The following FAR2 variants were observed in gnomAD, a reference collection of about 807,000 sequenced individuals.
FAR2 encodes fatty acyl-CoA reductase 2, also known as epididymis secretory protein Li 81.
In FAR2, 19 loss-of-function variants were observed where a neutral mutation model predicts 56.0. The ratio of observed to expected loss-of-function variants is 0.34; its 90% CI spans 0.24 to 0.50. FAR2 has a LOEUF of 0.50. FAR2 is among the 20% of genes least tolerant of loss of function. The probability of loss-of-function intolerance (pLI) is 0.98; values close to 1 mark genes in which losing one functional copy is unlikely to be tolerated. For synonymous variants in FAR2, 219 were observed against 218.8 expected, an observed-to-expected ratio of 1.00 and a Z score of -0.01; for missense variants, 508 against 642.2, an observed-to-expected ratio of 0.79 and a Z score of 2.26.
At chr12:29,297,322 A>G in intron 4 of FAR2, 122 bp downstream of exon 4, 1 of 928,160 alleles carries the variant, frequency 1.1e-6, no homozygotes, top group Non-Finnish European at 1.6e-6. Flanking sequence ...ATGTTTTGAA[A>G]CGGTGCTAGC....
At chr12:29,308,879 T>A (rs1949300823) in intron 5 of FAR2, among the ~76,000 whole-genome samples, 1 of 151,994 alleles carries the variant, frequency 6.6e-6, no homozygotes, top group African/African-American at 2.4e-5. Flanking sequence ...GCTTAGCAGA[T>A]CATGATATAA....
chr12:29,221,695 TGC>T (rs1342749359), intron 1 of FAR2, among the ~76,000 whole-genome samples: 1 of 152,194 alleles, frequency 6.6e-6, no homozygotes, highest in Non-Finnish European at 1.5e-5. Flanking sequence ...CCAGGCATGA[TGC>T]TATATACGTA....
intron 10 of FAR2, among the ~76,000 whole-genome samples, chr12:29,329,392 T>C (rs1949698060): frequency 6.6e-6 from 1 of 152,204 alleles, no homozygotes; most frequent in Non-Finnish European, 1.5e-5. Flanking sequence ...TTCAAAATTT[T>C]ATGAAAAAGA....
intron 1 of FAR2, among the ~76,000 whole-genome samples, chr12:29,258,653 T>TA (rs1267601530): frequency 6.6e-6 from 1 of 152,196 alleles, no homozygotes; most frequent in Non-Finnish European, 1.5e-5. Flanking sequence ...CTTTGAGCCT[T>TA]AAAAAAGCCA....
At chr12:29,319,847 T>G (rs1341058493) in intron 9 of FAR2, among the ~76,000 whole-genome samples, 1 of 152,190 alleles carries the variant, frequency 6.6e-6, no homozygotes, top group East Asian at 1.9e-4. Flanking sequence ...TGTTTAAAAT[T>G]TTTATGTGGT....
intron 2 of FAR2, among the ~76,000 whole-genome samples, chr12:29,283,549 A>G (rs1283546486): frequency 6.6e-6 from 1 of 152,246 alleles, no homozygotes; most frequent in Non-Finnish European, 1.5e-5. Context: ...GTCATCAAGT[A>G]TAAGTTCAGT....
At chr12:29,286,996 A>G (rs1948886730) in intron 2 of FAR2, among the ~76,000 whole-genome samples, 1 of 152,222 alleles carries the variant, frequency 6.6e-6, no homozygotes, top group Non-Finnish European at 1.5e-5. Flanking sequence ...GAGGTAAGTA[A>G]CTTCCCCCAG....
intron 1 of FAR2, among the ~76,000 whole-genome samples, chr12:29,181,166 A>G (rs1221953774): frequency 6.6e-6 from 1 of 151,946 alleles, no homozygotes; most frequent in Non-Finnish European, 1.5e-5. Context: ...CAATTGAGAA[A>G]CAGAGAGATA....
intron 1 of FAR2, among the ~76,000 whole-genome samples, chr12:29,159,394 T>C (rs1317752655): frequency 1.3e-5 from 2 of 151,856 alleles, no homozygotes; most frequent in East Asian, 3.9e-4. Flanking sequence ...AAAAATTAGC[T>C]GGGCATGTTG....
intron 1 of FAR2, among the ~76,000 whole-genome samples, chr12:29,246,960 C>T (rs1403323758): frequency 2.0e-5 from 3 of 152,034 alleles, no homozygotes; most frequent in Non-Finnish European, 4.4e-5. Flanking sequence ...GAACTAATAA[C>T]TTTATTAGTT....
intron 1 of FAR2, among the ~76,000 whole-genome samples, chr12:29,160,164 C>G (rs1949769457): frequency 6.6e-6 from 1 of 152,236 alleles, no homozygotes; most frequent in South Asian, 2.1e-4. Flanking sequence ...CATTTTAGTT[C>G]CTTGAAGTCC....
In FAR2 at chr12:29,215,451, C is replaced by T. The variant is rs569010259; in HGVS notation, c.-38-54961C>T. On this transcript the variant is annotated intron_variant, in intron 1 of 11. Transcript: ENST00000536681. ...TTGGTTAAGCTCCCGTAGTCACAGG[C>T]ATCTTTCATTTGTACATTATTTTTG... Among the ~76,000 whole-genome samples, 53 of 152,256 alleles carry T rather than the reference C, an allele frequency of 3.5e-4. 1 individual carries two copies. Among genetic ancestry groups the T allele is most frequent in the African/African-American group, 1.3e-3 (53 of 41,546 alleles).
chr12:29,307,218 GTAA>G (rs1949266644), intron 4 of FAR2, among the ~76,000 whole-genome samples: 2 of 152,220 alleles, frequency 1.3e-5, no homozygotes, highest in African/African-American at 4.8e-5. Flanking sequence ...AGGAAGTAAA[GTAA>G]TAATAATCTC....
chr12:29,333,506 T>C, intron 11 of FAR2, 126 bp from the exon 12 acceptor site: 1 of 834,838 alleles, frequency 1.2e-6, no homozygotes, highest in African/African-American at 1.7e-5. Flanking sequence ...GGCCAAGTTA[T>C]ATCAAATACT....
intron 1 of FAR2, among the ~76,000 whole-genome samples, chr12:29,254,509 C>G (rs1452238756): frequency 1.3e-5 from 2 of 152,114 alleles, no homozygotes; most frequent in Non-Finnish European, 2.9e-5. Context: ...CTGATATATA[C>G]ATTTTCAAGG....
intron 1 of FAR2, among the ~76,000 whole-genome samples, chr12:29,221,685 C>A (rs1160628256): frequency 6.6e-6 from 1 of 152,096 alleles, no homozygotes; most frequent in Non-Finnish European, 1.5e-5. Flanking sequence ...AATCCTGCAG[C>A]CAGGCATGAT....
At chr12:29,332,974 C>T (rs889481693) in intron 11 of FAR2, 2 of 546,294 alleles carry the variant, frequency 3.7e-6, no homozygotes, top group African/African-American at 1.9e-5. Context: ...CAGCAAATAA[C>T]TTGCCCATGG....
intron 6 of FAR2, chr12:29,309,704 A>T (rs575586555): frequency 1.3e-5 from 2 of 152,610 alleles, no homozygotes; most frequent in African/African-American, 4.8e-5. Context: ...AGAACTACCA[A>T]TTGGAGCAAA....
intron 1 of FAR2, among the ~76,000 whole-genome samples, chr12:29,169,528 A>T (rs994061254): frequency 1.3e-5 from 2 of 152,220 alleles, no homozygotes; most frequent in African/African-American, 4.8e-5. Context: ...AGAGGTTGGT[A>T]TAAGAATTTG....
Sources: allele counts gnomAD v4.1 joint callset (sites outside exome capture counted in the v4.1 genomes callset), GRCh38; gene constraint gnomAD v4.1.1; transcripts MANE v1.5; gene names NCBI Gene and HGNC (gene_info 2026-07-23, HGNC 2026-07-21).